Variants in AKR1A1 observed in about 807,000 individuals in gnomAD.
The protein encoded by AKR1A1 is aldo-keto reductase family 1 member A1, also known as HEL-S-165mP.
Under a neutral mutation model 39.2 loss-of-function variants are expected in AKR1A1, and 26 were observed. The ratio of observed to expected loss-of-function variants is 0.66; its 90% CI spans 0.49 to 0.92. AKR1A1 has a LOEUF of 0.92. AKR1A1 is among the 40% of genes least tolerant of loss of function. The pLI is 0.00. For missense variants in AKR1A1, 378 were observed against 406.5 expected, an observed-to-expected ratio of 0.93 and a Z score of 0.60; for synonymous variants, 141 against 155.5, an observed-to-expected ratio of 0.91 and a Z score of 0.69.
At chr1:45,567,114 G>A in intron 4 of AKR1A1, 94 bp downstream of exon 4, 1 of 1,501,420 alleles carries the variant, frequency 6.7e-7, no homozygotes, top group Non-Finnish European at 9.0e-7. Context: ...AGCAGGATAG[G>A]AACACTCATT....
At chr1:45,559,834 G>C (rs1644255092) in intron 1 of AKR1A1, among the ~76,000 whole-genome samples, 1 of 151,382 alleles carries the variant, frequency 6.6e-6, no homozygotes, top group Non-Finnish European at 1.5e-5. Context: ...TTTTAGTAGA[G>C]ACGGGGTTTC....
At chr1:45,560,957 G>C (rs997070525) in intron 1 of AKR1A1, among the ~76,000 whole-genome samples, 47 of 152,146 alleles carry the variant, frequency 3.1e-4, no homozygotes, top group African/African-American at 1.1e-3. Context: ...TCGATCTCCT[G>C]ACCTCGTGAT....
At chr1:45,556,397 T>C (rs1274685134) in intron 1 of AKR1A1, among the ~76,000 whole-genome samples, 2 of 149,818 alleles carry the variant, frequency 1.3e-5, no homozygotes, top group Admixed American at 1.3e-4. Flanking sequence ...CTACCCAACA[T>C]GGTGAAACCC....
intron 4 of AKR1A1, chr1:45,567,314 A>C: frequency 6.0e-6 from 2 of 333,720 alleles, no homozygotes; most frequent in Non-Finnish European, 1.1e-5. Flanking sequence ...TCTGTTGAGC[A>C]CCTGGGGTTA....
intron 6 of AKR1A1, 95 bp from the exon 7 acceptor site, chr1:45,568,832 A>G (rs1438775333): frequency 6.6e-7 from 1 of 1,522,564 alleles, no homozygotes; most frequent in East Asian, 2.3e-5. Flanking sequence ...AGCAGGGCTC[A>G]GGTGCTCCAG....
rs754661516 is a variant in AKR1A1, at chr1:45,566,623, GC to G, written c.140del (p.Ala47ValfsTer14). On this transcript the variant is annotated frameshift_variant, in exon 3 of 9. Transcript: ENST00000351829. LOFTEE classifies it high-confidence loss of function. ...LSVGYRHIDC[A>X]AIYGNEPEIG... ...CGTAGGCTACCGCCACATTGATTGT[GC>G]TGCTATCTACGGCAATGAGCCTGAG... The G allele has an allele frequency of 3.2e-4, 517 of 1,614,272 alleles. No homozygotes were observed. The highest frequency in any genetic ancestry group is 4.1e-4 in the Non-Finnish European group (481 of 1,180,050).
chr1:45,569,818 T>A, intron 8 of AKR1A1, 73 bp from the exon 9 acceptor site: 1 of 1,375,314 alleles, frequency 7.3e-7, no homozygotes, highest in Non-Finnish European at 1.0e-6. Flanking sequence ...TTAGGAAGAT[T>A]TGGGGAAGAT....
Position 45,568,922 on chromosome 1 carries a change from C to A in AKR1A1, c.753-5C>A. 1 of 1,614,170 alleles carries A rather than the reference C, an allele frequency of 6.2e-7. No homozygotes were observed. ...TTTCCTCATCTGTCTAATCCCCCAA[C>A]TTAGGTGGCAGGTCCAGCGGAAAGT... On this transcript the variant is annotated splice_polypyrimidine_tract_variant and splice_region_variant and intron_variant, in intron 6 of 8. Coordinates refer to ENST00000351829, the MANE Select transcript of AKR1A1 (RefSeq NM_153326.3).
Position 45,553,124 on chromosome 1 carries a change from C to G in AKR1A1, c.-7+1969C>G, listed in dbSNP as rs1485444741. On this transcript the variant is annotated intron_variant, in intron 1 of 8. Coordinates refer to ENST00000351829, the MANE Select transcript of AKR1A1 (RefSeq NM_153326.3). Reference sequence around the variant, plus strand: ...TGGGCAACAGAGTGAGACTCTGTCTCAAAAAAAAATTTAAAAAGGCTGGGC... The same window carrying G: ...TGGGCAACAGAGTGAGACTCTGTCTGAAAAAAAAATTTAAAAAGGCTGGGC... Among the ~76,000 whole-genome samples, 12 of 141,526 alleles carry G rather than the reference C, an allele frequency of 8.5e-5. No individual in the cohort carries two copies. The East Asian group carries it at 2.1e-3, about 25-fold the overall frequency. The allele number at this position is 141,526 out of a possible 152,430, so 92.8% of individuals were successfully genotyped here.
At chr1:45,563,450 C>G (rs1332742902) in intron 2 of AKR1A1, among the ~76,000 whole-genome samples, 1 of 151,870 alleles carries the variant, frequency 6.6e-6, no homozygotes, top group Non-Finnish European at 1.5e-5. Flanking sequence ...TTCTATTGGA[C>G]AAGTTACAGA....
chr1:45,569,357 A>G, intron 8 of AKR1A1, 128 bp downstream of exon 8: 1 of 755,796 alleles, frequency 1.3e-6, no homozygotes, highest in Admixed American at 2.2e-5. Flanking sequence ...GCTATGCTGG[A>G]CATAGTGCCC....
Position 45,567,030 on chromosome 1 carries a change from G to A in AKR1A1, c.356+10G>A. ...GGCCTTATGCCTTTGAGTGAGCCTT[G>A]CCAGAGCCTCATCTGGGGAATCAGG... On this transcript the variant is annotated intron_variant, in intron 4 of 8. Coordinates refer to ENST00000351829, the MANE Select transcript of AKR1A1 (RefSeq NM_153326.3). 1 of 1,612,350 alleles carries A rather than the reference G, an allele frequency of 6.2e-7. No homozygotes were observed. The highest frequency in any genetic ancestry group is 8.5e-7 in the Non-Finnish European group (1 of 1,178,966).
At position 45,568,182 on chromosome 1, in the gene AKR1A1, G is replaced by A. The variant is rs1224089666; in HGVS notation, c.552+5G>A. ...GTGCGTCCAGCTGTCTTGCAGGTAA[G>A]GACAGCAAGCAGATGAGTGGTTTAG... On this transcript the variant is annotated splice_donor_5th_base_variant and intron_variant, in intron 5 of 8. Coordinates refer to ENST00000351829, the MANE Select transcript of AKR1A1 (RefSeq NM_153326.3). 1 of 1,609,138 alleles carries A rather than the reference G, an allele frequency of 6.2e-7. No homozygotes were observed. The highest frequency in any genetic ancestry group is 1.3e-5 in the African/African-American group (1 of 74,818).
chr1:45,568,063 T>C lies in AKR1A1; in HGVS notation c.438T>C (p.Ala146=), dbSNP rs1268926090. The C allele has an allele frequency of 6.2e-7, 1 of 1,613,896 alleles. No individual in the cohort carries two copies. Among genetic ancestry groups the C allele is most frequent in the East Asian group, 2.2e-5 (1 of 44,866 alleles). ...CCCACTACAAGGAGACTTGGAAGGCTCTGGAGGCACTGGTGGCTAAGGGGC... is the reference window on the plus strand; with the variant it reads ...CCCACTACAAGGAGACTTGGAAGGCCCTGGAGGCACTGGTGGCTAAGGGGC... The part of the protein sequence containing the change: ...DSTHYKETWK[A]LEALVAKGLV... The change falls in exon 5 of 9, where the codon GCT becomes GCC. Residue 146 remains alanine (A), a synonymous_variant. Transcript: ENST00000351829.
intron 4 of AKR1A1, 71 bp from the exon 5 acceptor site, chr1:45,567,911 T>TAGC: frequency 1.4e-6 from 2 of 1,399,912 alleles, no homozygotes; most frequent in Non-Finnish European, 1.9e-6. Context: ...GGACATAGAG[T>TAGC]GGCTGGATGG....
intron 1 of AKR1A1, among the ~76,000 whole-genome samples, chr1:45,555,384 G>A (rs1043444001): frequency 4.6e-5 from 7 of 152,080 alleles, no homozygotes; most frequent in African/African-American, 1.7e-4. Context: ...CTACTCGGGA[G>A]TCTGAGGCAG....
At chr1:45,567,854 C>G in intron 4 of AKR1A1, 128 bp from the exon 5 acceptor site, 2 of 826,496 alleles carry the variant, frequency 2.4e-6, no homozygotes, top group South Asian at 2.2e-5. Context: ...AAAAGCATGG[C>G]TTTTTAAAAA....
intron 2 of AKR1A1, 61 bp from the exon 3 acceptor site, chr1:45,566,508 G>T: frequency 6.2e-7 from 1 of 1,603,616 alleles, no homozygotes; most frequent in Non-Finnish European, 8.5e-7. Flanking sequence ...TGACCTTGGG[G>T]TGGTGACAGT....
At chr1:45,569,066 G>C in intron 7 of AKR1A1, 67 bp downstream of exon 7, 1 of 1,604,850 alleles carries the variant, frequency 6.2e-7, no homozygotes, top group Non-Finnish European at 8.5e-7. Context: ...ACTCTACCTG[G>C]CTAAAAAGGC....
Sources: allele counts gnomAD v4.1 joint callset (sites outside exome capture counted in the v4.1 genomes callset), GRCh38; gene constraint gnomAD v4.1.1; transcripts MANE v1.5; gene names NCBI Gene and HGNC (gene_info 2026-07-23, HGNC 2026-07-21).